PPFIBP1: variants seen among roughly 807,000 people sequenced by gnomAD.
PPFIBP1 encodes the protein liprin-beta-1.
PPFIBP1 carries 112 observed loss-of-function variants against 137.8 expected under a neutral mutation model. The observed-to-expected ratio is 0.81, with a 90% confidence interval of 0.70 to 0.95. The LOEUF (loss-of-function observed/expected upper bound fraction) is 0.95, where lower values mean the gene tolerates loss of function less well. Among genes scored for constraint, PPFIBP1 ranks in the 40% least tolerant of loss-of-function variants. The pLI is 0.00. For missense variants in PPFIBP1, 1,083 were observed against 1,196.6 expected (o/e 0.91, Z 1.40); for synonymous variants, 378 against 417.3 (o/e 0.91, Z 1.15).
intron 2 of PPFIBP1, among the ~76,000 whole-genome samples, chr12:27,596,810 G>A (rs1462115319): frequency 6.6e-6 from 1 of 152,162 alleles, no homozygotes; most frequent in Non-Finnish European, 1.5e-5. Flanking sequence ...CCATTCAATA[G>A]AAAGAGGAAC....
At chr12:27,571,154 T>C (rs760642609) in intron 1 of PPFIBP1, among the ~76,000 whole-genome samples, 2 of 152,198 alleles carry the variant, frequency 1.3e-5, no homozygotes, top group Non-Finnish European at 2.9e-5. Context: ...TCATGAATTA[T>C]TGGTAACCAC....
intron 1 of PPFIBP1, among the ~76,000 whole-genome samples, chr12:27,567,551 G>A (rs997962847): frequency 6.6e-6 from 1 of 152,178 alleles, no homozygotes; most frequent in Non-Finnish European, 1.5e-5. Flanking sequence ...AAGATAATAT[G>A]GGAGTGTGGG....
intron 1 of PPFIBP1, among the ~76,000 whole-genome samples, chr12:27,529,015 A>G (rs1944100892): frequency 6.6e-6 from 1 of 152,266 alleles, no homozygotes; most frequent in Non-Finnish European, 1.5e-5. Flanking sequence ...AGTTCAGAAT[A>G]GAAAGATCAT....
chr12:27,585,583 T>A (rs771640805), intron 2 of PPFIBP1, among the ~76,000 whole-genome samples: 1 of 152,234 alleles, frequency 6.6e-6, no homozygotes, highest in Non-Finnish European at 1.5e-5. Flanking sequence ...CATGCAAAGA[T>A]AAGCAGAACA....
At chr12:27,659,495 C>T (rs1014092209) in intron 10 of PPFIBP1, among the ~76,000 whole-genome samples, 5 of 151,930 alleles carry the variant, frequency 3.3e-5, no homozygotes, top group South Asian at 2.1e-4. Flanking sequence ...TGCCTGTAGT[C>T]CCAGCTACTC....
chr12:27,596,577 A>G (rs1306631234), intron 2 of PPFIBP1, among the ~76,000 whole-genome samples: 1 of 152,132 alleles, frequency 6.6e-6, no homozygotes, highest in Non-Finnish European at 1.5e-5. Flanking sequence ...GCTGGAGTAC[A>G]ATGATGCCAT....
intron 1 of PPFIBP1, among the ~76,000 whole-genome samples, chr12:27,576,742 A>T (rs1175471003): frequency 2.0e-5 from 3 of 152,144 alleles, no homozygotes; most frequent in African/African-American, 7.2e-5. Context: ...ATTCTTTGGT[A>T]ACATTGATTG....
In PPFIBP1 at chr12:27,633,468, G is replaced by T. The variant is rs373628355; in HGVS notation, c.64+8G>T. The T allele has an allele frequency of 2.2e-5, 36 of 1,609,600 alleles. No homozygotes were observed. The highest frequency in any genetic ancestry group is 1.1e-4 in the South Asian group (10 of 90,574). On this transcript the variant is annotated splice_region_variant and intron_variant, in intron 3 of 29. Coordinates refer to ENST00000228425, the MANE Select transcript of PPFIBP1 (RefSeq NM_003622.4). ...TGGATGGTATCATAGCAGGTGATCT[G>T]CATCCTGTGAAAGACAGAATCACAA... is the stretch of plus-strand genomic sequence containing the variant.
intron 1 of PPFIBP1, among the ~76,000 whole-genome samples, chr12:27,545,240 G>T (rs1041332068): frequency 3.9e-5 from 6 of 152,102 alleles, no homozygotes; most frequent in African/African-American, 1.2e-4. Context: ...TTGGAGGGGT[G>T]GGGGGCAAAG....
intron 2 of PPFIBP1, among the ~76,000 whole-genome samples, chr12:27,623,502 A>G (rs1332833850): frequency 6.6e-6 from 1 of 152,142 alleles, no homozygotes; most frequent in Admixed American, 6.5e-5. Context: ...GGAGTGTGAG[A>G]CCAGCCTGAG....
chr12:27,660,848 G>C lies in PPFIBP1; in HGVS notation c.845-36G>C, dbSNP rs766402277. On this transcript the variant is annotated intron_variant, in intron 10 of 29. Transcript: ENST00000228425. Reference sequence around the variant, plus strand: ...AACTTCTTATCACTGTCACACATGTGAACTGAACTGACTTCTGATTTGATG... The same window carrying C: ...AACTTCTTATCACTGTCACACATGTCAACTGAACTGACTTCTGATTTGATG... 2.0e-5 allele frequency: 32 copies of C among 1,608,516 alleles called. No individual in the cohort carries two copies. The South Asian group carries it at 3.6e-4, about 18-fold the overall frequency.
At chr12:27,542,285 A>T (rs545214404) in intron 1 of PPFIBP1, among the ~76,000 whole-genome samples, 1 of 152,340 alleles carries the variant, frequency 6.6e-6, no homozygotes, top group East Asian at 1.9e-4. Context: ...AGAGAATGGG[A>T]AGATGTGTGT....
chr12:27,615,299 G>T (rs1156545927), intron 2 of PPFIBP1, among the ~76,000 whole-genome samples: 1 of 152,170 alleles, frequency 6.6e-6, no homozygotes, highest in Non-Finnish European at 1.5e-5. Context: ...CTCCAACTTT[G>T]TGTTTTGTTG....
chr12:27,646,495 C>T (rs1198701351), intron 5 of PPFIBP1, among the ~76,000 whole-genome samples: 1 of 151,204 alleles, frequency 6.6e-6, no homozygotes, highest in East Asian at 1.9e-4. Flanking sequence ...CCTCCTACCT[C>T]AGCCTCCCAA....
rs371325602 is a variant in PPFIBP1, at chr12:27,692,839, G to A, written c.2975G>A (p.Arg992His). Residue 992 changes from arginine to histidine, a missense_variant, in exon 30 of 30, where the codon CGT becomes CAT. Transcript: ENST00000228425. ...EDDMFKDFAA[R>H]SPSASITDED... ...GACATGTTTAAAGATTTTGCTGCCCGTTCCCCCAGTGCCAGCATTACAGAT... is the reference window on the plus strand; with the variant it reads ...GACATGTTTAAAGATTTTGCTGCCCATTCCCCCAGTGCCAGCATTACAGAT... 39 of 1,614,004 alleles carry A rather than the reference G, an allele frequency of 2.4e-5. No individual in the cohort carries two copies. Among genetic ancestry groups the A allele is most frequent in the African/African-American group, 5.3e-5 (4 of 74,908 alleles).
chr12:27,620,954 T>G (rs2056290350), intron 2 of PPFIBP1, among the ~76,000 whole-genome samples: 1 of 152,204 alleles, frequency 6.6e-6, no homozygotes, highest in Non-Finnish European at 1.5e-5. Flanking sequence ...AACTTTTTAC[T>G]TTTTTTCCTC....
intron 1 of PPFIBP1, among the ~76,000 whole-genome samples, chr12:27,533,082 T>C (rs1006297036): frequency 2.0e-5 from 3 of 152,112 alleles, no homozygotes; most frequent in Non-Finnish European, 4.4e-5. Flanking sequence ...GTTGTGATCA[T>C]TGTGCACTCA....
chr12:27,633,529 T>G, intron 3 of PPFIBP1, 69 bp downstream of exon 3: 1 of 1,295,952 alleles, frequency 7.7e-7, no homozygotes, highest in Non-Finnish European at 1.1e-6. Context: ...TCACTACAAC[T>G]TTCATATTAT....
chr12:27,672,826 G>T (rs115758073), intron 15 of PPFIBP1, among the ~76,000 whole-genome samples: 1 of 152,154 alleles, frequency 6.6e-6, no homozygotes, highest in African/African-American at 2.4e-5. Flanking sequence ...GCATCACAGG[G>T]AATGATGTGA....
Sources: gnomAD v4.1 joint callset for allele counts (sites outside exome capture counted in the v4.1 genomes callset) on GRCh38, gnomAD v4.1.1 for gene constraint, MANE v1.5 for transcripts, NCBI Gene and HGNC (gene_info 2026-07-23, HGNC 2026-07-21) for gene names.